The following TRIM44 variants were observed in gnomAD, a reference collection of about 807,000 sequenced individuals.
TRIM44 encodes the protein tripartite motif containing 44.
TRIM44 carries 13 observed loss-of-function variants against 37.4 expected under a neutral mutation model. The observed-to-expected ratio is 0.35, with a 90% CI of 0.23 to 0.55. The LOEUF is 0.55. Ranked by LOEUF, TRIM44 falls within the 20% of genes least tolerant of loss-of-function variation. The pLI is 0.89. For missense variants in TRIM44, 426 were observed against 437.2 expected (o/e 0.97, Z 0.23); for synonymous variants, 175 against 157.2 (o/e 1.11, Z -0.85).
intron 4 of TRIM44, among the ~76,000 whole-genome samples, chr11:35,804,971 T>G (rs955847941): frequency 3.9e-5 from 6 of 152,258 alleles, no homozygotes; most frequent in African/African-American, 1.4e-4. Context: ...GAGCACAGGT[T>G]TTATATAGAC....
chr11:35,699,093 G>T lies in TRIM44; in HGVS notation c.747+13757G>T, dbSNP rs899583811. Among the ~76,000 whole-genome samples the T allele has an allele frequency of 2.7e-5, 4 of 147,756 alleles. 1 individual carries two copies. The highest frequency in any genetic ancestry group is 1.0e-4 in the African/African-American group (4 of 39,936). ...CAGGTTTGTCAAAGATCAGATAGTT[G>T]TAGATTAGCGGCATTATTTCTGAGG... is the stretch of plus-strand genomic sequence containing the variant. On this transcript the variant is annotated intron_variant, in intron 2 of 4. Transcript: ENST00000299413.
intron 2 of TRIM44, among the ~76,000 whole-genome samples, chr11:35,716,518 G>C (rs1852041110): frequency 1.3e-5 from 2 of 152,162 alleles, no homozygotes; most frequent in African/African-American, 4.8e-5. Context: ...CAACATCTCT[G>C]CAGCCAGACT....
At position 35,807,152 on chromosome 11, in the gene TRIM44, G is replaced by A. The variant is rs1405562202; in HGVS notation, c.*767G>A. The A allele has an allele frequency of 6.6e-6, 1 of 152,186 alleles. No homozygotes were observed. Among genetic ancestry groups the A allele is most frequent in the East Asian group, 1.9e-4 (1 of 5,194 alleles). 9.4% of individuals were successfully genotyped at this position (152,186 alleles called of 1,614,324 possible). A position where few individuals can be genotyped will look rare whatever the true frequency, so the allele number is the denominator to read the frequency against. On this transcript the variant is annotated 3_prime_UTR_variant, in exon 5 of 5. Transcript: ENST00000299413. ...ATTGCTTGAATTTCCAAAATAGTCA[G>A]TAAAGGATCTAATAGAACCAGAATT...
At chr11:35,753,527 A>G (rs936348864) in intron 4 of TRIM44, among the ~76,000 whole-genome samples, 1 of 152,194 alleles carries the variant, frequency 6.6e-6, no homozygotes, top group Non-Finnish European at 1.5e-5. Context: ...AATTTTTGCT[A>G]GGAACCAATA....
chr11:35,755,703 A>G (rs1852627932), intron 4 of TRIM44, among the ~76,000 whole-genome samples: 1 of 152,130 alleles, frequency 6.6e-6, no homozygotes, highest in Non-Finnish European at 1.5e-5. Context: ...GAAGGGATCC[A>G]GTTTCAGCTT....
At chr11:35,792,107 A>T (rs372920173) in intron 4 of TRIM44, among the ~76,000 whole-genome samples, 22 of 75,700 alleles carry the variant, frequency 2.9e-4, no homozygotes, top group African/African-American at 4.3e-4. Context: ...ACACACACAC[A>T]CACACTCTCT....
At chr11:35,735,591 T>G in intron 4 of TRIM44, 146 bp downstream of exon 4, 1 of 787,114 alleles carries the variant, frequency 1.3e-6, no homozygotes, top group Non-Finnish European at 2.1e-6. Context: ...AGATCTTATT[T>G]TGTAAGACTC....
chr11:35,663,714 T>C lies in TRIM44; in HGVS notation c.603T>C (p.Cys201=), dbSNP rs1477018522. ...ATAGGCAGCTCATCTGTGTCCTGTGTCCAGTCATTGGGGCTCACCAGGGCC... is the reference window on the plus strand; with the variant it reads ...ATAGGCAGCTCATCTGTGTCCTGTGCCCAGTCATTGGGGCTCACCAGGGCC... The part of the protein sequence containing the change: ...QEDRQLICVL[C]PVIGAHQGHQ... Residue 201 remains cysteine (C), a synonymous_variant, in exon 1 of 5, where the codon TGT becomes TGC. Transcript: ENST00000299413. 9.9e-6 allele frequency: 16 copies of C among 1,614,014 alleles called. No homozygotes were observed. The highest frequency in any genetic ancestry group is 1.4e-5 in the Non-Finnish European group (16 of 1,180,044).
At chr11:35,720,416 C>CTT (rs563665257) in intron 2 of TRIM44, among the ~76,000 whole-genome samples, 1 of 137,264 alleles carries the variant, frequency 7.3e-6, no homozygotes. Flanking sequence ...AGGTTTTTTT[C>CTT]TTTTTTTTTT....
rs1264541003 is a variant in TRIM44 at position 35,814,308 on chromosome 11, T to C, written c.*7923T>C. On this transcript the variant is annotated 3_prime_UTR_variant, in exon 5 of 5. Coordinates refer to ENST00000299413, the MANE Select transcript of TRIM44 (RefSeq NM_017583.6). Reference sequence around the variant, plus strand: ...GTTGGTGGTTTCTAGAAGAAATAATTCAGAAGCAAAAGACACATGAAGTTA... The same window carrying C: ...GTTGGTGGTTTCTAGAAGAAATAATCCAGAAGCAAAAGACACATGAAGTTA... 6.6e-6 allele frequency: 1 copy of C among 152,174 alleles called. No individual in the cohort carries two copies. Among genetic ancestry groups the C allele is most frequent in the Non-Finnish European group, 1.5e-5 (1 of 68,028 alleles). 9.4% of individuals were successfully genotyped at this position (152,174 alleles called of 1,614,324 possible).
At chr11:35,796,093 A>G (rs143426104) in intron 4 of TRIM44, among the ~76,000 whole-genome samples, 70 of 152,320 alleles carry the variant, frequency 4.6e-4, no homozygotes, top group Admixed American at 1.2e-3. Flanking sequence ...GTCCATATTC[A>G]TAACCCGCTG....
chr11:35,754,708 T>C (rs749205779), intron 4 of TRIM44, among the ~76,000 whole-genome samples: 99 of 138,260 alleles, frequency 7.2e-4, no homozygotes, highest in Non-Finnish European at 1.2e-3. Flanking sequence ...CCTGTGTCCA[T>C]GAGTTCGCAT....
At chr11:35,738,372 CA>C (rs921961300) in intron 4 of TRIM44, among the ~76,000 whole-genome samples, 1 of 150,596 alleles carries the variant, frequency 6.6e-6, no homozygotes, top group African/African-American at 2.5e-5. Context: ...TTCTTGTAAC[CA>C]AGATGTCAGG....
At chr11:35,664,936 G>C (rs896876471) in intron 1 of TRIM44, among the ~76,000 whole-genome samples, 2 of 152,126 alleles carry the variant, frequency 1.3e-5, no homozygotes, top group Non-Finnish European at 2.9e-5. Context: ...CCATGTGTAT[G>C]CATTCCTAAA....
chr11:35,665,586 GTTTTT>G lies in TRIM44; in HGVS notation c.669+1828_669+1832del, dbSNP rs35522287. Among the ~76,000 whole-genome samples, 462 of 71,458 alleles carry G rather than the reference GTTTTT, an allele frequency of 6.5e-3. 1 individual carries two copies. The highest frequency in any genetic ancestry group is 0.025 in the African/African-American group (431 of 17,548). 46.9% of individuals were successfully genotyped at this position (71,458 alleles called of 152,430 possible). On this transcript the variant is annotated intron_variant, in intron 1 of 4. Transcript: ENST00000299413. ...TCATTATATGAGTTTTTATATATCT[GTTTTT>G]TTTTTTTTTTTTTTTTTTTTTGAGA...
At chr11:35,770,751 C>T (rs1852857635) in intron 4 of TRIM44, among the ~76,000 whole-genome samples, 1 of 152,066 alleles carries the variant, frequency 6.6e-6, no homozygotes, top group Non-Finnish European at 1.5e-5. Flanking sequence ...CCATAATTAC[C>T]ATGTGTTGTA....
intron 4 of TRIM44, among the ~76,000 whole-genome samples, chr11:35,786,382 A>G (rs1194586497): frequency 6.6e-6 from 1 of 152,218 alleles, no homozygotes; most frequent in Non-Finnish European, 1.5e-5. Context: ...GAAAGATTCC[A>G]TCAAAGACTC....
intron 4 of TRIM44, among the ~76,000 whole-genome samples, chr11:35,748,293 G>A (rs1852517130): frequency 6.6e-6 from 1 of 152,094 alleles, no homozygotes; most frequent in African/African-American, 2.4e-5. Flanking sequence ...GTCGAATAGG[G>A]GAAAGTGGCT....
chr11:35,742,798 A>AT (rs149187728), intron 4 of TRIM44, among the ~76,000 whole-genome samples: 1 of 139,674 alleles, frequency 7.2e-6, no homozygotes, highest in Non-Finnish European at 1.5e-5. Flanking sequence ...AATTATATTA[A>AT]TATATTAAAT....
Sources: allele counts gnomAD v4.1 joint callset (sites outside exome capture counted in the v4.1 genomes callset), GRCh38; gene constraint gnomAD v4.1.1; transcripts MANE v1.5; gene names NCBI Gene and HGNC (gene_info 2026-07-23, HGNC 2026-07-21).